SPNS3: variants seen among roughly 807,000 people sequenced by gnomAD.
The protein encoded by SPNS3 is SPNS lysolipid transporter 3, sphingosine-1-phosphate (putative), also known as protein spinster homolog 3.
In SPNS3, 51 loss-of-function variants were observed where a neutral mutation model predicts 54.4. The ratio of observed to expected loss-of-function variants is 0.94; its 90% CI spans 0.75 to 1.18. SPNS3 has a LOEUF of 1.18. SPNS3 is among the 50% of genes most tolerant of loss of function. SPNS3 has a pLI of 0.00. For missense variants in SPNS3, 669 were observed against 677.4 expected, an observed-to-expected ratio of 0.99 and a Z score of 0.14; for synonymous variants, 309 against 294.7, an observed-to-expected ratio of 1.05 and a Z score of -0.50.
At chr17:4,478,050 C>T (rs1255016908) in intron 8 of SPNS3, among the ~76,000 whole-genome samples, 1 of 140,164 alleles carries the variant, frequency 7.1e-6, no homozygotes, top group Non-Finnish European at 1.5e-5. Flanking sequence ...CGGCTCCCTG[C>T]AACCTCTGCC....
intron 1 of SPNS3, 77 bp downstream of exon 1, chr17:4,434,243 T>G: frequency 7.2e-7 from 1 of 1,388,916 alleles, no homozygotes; most frequent in East Asian, 2.4e-5. Flanking sequence ...CATGGTGGCC[T>G]TCCAGCCATC....
intron 9 of SPNS3, among the ~76,000 whole-genome samples, chr17:4,485,937 G>A (rs1185991197): frequency 1.3e-5 from 2 of 152,260 alleles, no homozygotes; most frequent in Non-Finnish European, 2.9e-5. Context: ...CTCATTCACT[G>A]TGGTCACATG....
At position 4,449,506 on chromosome 17, in the gene SPNS3, A is replaced by AAG. The variant is rs1472028591; in HGVS notation, c.923+121_923+122dup. On this transcript the variant is annotated intron_variant, in intron 7 of 11. Transcript: ENST00000355530. ...GGGGTGGGGCATTTGGTGCTGTGTGAAGACAGTGGAGCTCAGGACCCAGAT... is the reference window on the plus strand; with the variant it reads ...GGGGTGGGGCATTTGGTGCTGTGTGAAGAGACAGTGGAGCTCAGGACCCAGAT... The AAG allele has an allele frequency of 3.3e-6, 4 of 1,204,910 alleles. No individual in the cohort carries two copies. In the African/African-American group the frequency reaches 4.6e-5, roughly 14 times the overall value. The allele number at this position is 1,204,910 out of a possible 1,614,324, so 74.6% of individuals were successfully genotyped here.
chr17:4,448,218 CG>C lies in SPNS3; in HGVS notation c.689del (p.Gly230GlufsTer38). 1.9e-6 allele frequency: 3 copies of C among 1,604,406 alleles called. No individual in the cohort carries two copies. Among genetic ancestry groups the C allele is most frequent in the Non-Finnish European group, 2.6e-6 (3 of 1,175,646 alleles). ...TATCCTGCTGGTTCCAGACCCACCC[CG>C]GGGAGCTGCCGAGACACAGGGGGAG... ...LLILLVPDPP[R>X]GAAETQGEGA... On this transcript the variant is annotated frameshift_variant, in exon 6 of 12. Coordinates refer to ENST00000355530, the MANE Select transcript of SPNS3 (RefSeq NM_182538.5). LOFTEE classifies it high-confidence loss of function.
chr17:4,439,747 A>T, intron 2 of SPNS3, 24 bp downstream of exon 2: 1 of 1,602,032 alleles, frequency 6.2e-7, no homozygotes, highest in Non-Finnish European at 8.5e-7. Context: ...CTGGCTCTGG[A>T]GCCGGGGCCC....
chr17:4,471,846 A>G (rs377717177), intron 8 of SPNS3, among the ~76,000 whole-genome samples: 4 of 147,624 alleles, frequency 2.7e-5, no homozygotes, highest in African/African-American at 1.0e-4. Context: ...CTTATCACCT[A>G]TCTTTTAGGT....
chr17:4,471,039 C>T (rs1438761585), intron 8 of SPNS3, among the ~76,000 whole-genome samples: 4 of 152,202 alleles, frequency 2.6e-5, no homozygotes, highest in Non-Finnish European at 5.9e-5. Flanking sequence ...ATTCTCCTGC[C>T]TCAGCCTTCT....
chr17:4,478,164 G>A (rs1042001538), intron 8 of SPNS3, among the ~76,000 whole-genome samples: 5 of 151,784 alleles, frequency 3.3e-5, no homozygotes, highest in Non-Finnish European at 7.4e-5. Flanking sequence ...TAGAGATGGG[G>A]TTTTACCATG....
intron 8 of SPNS3, among the ~76,000 whole-genome samples, chr17:4,453,906 C>T (rs1373979444): frequency 1.3e-5 from 2 of 152,206 alleles, no homozygotes; most frequent in East Asian, 3.9e-4. Context: ...TCAAGTGTTC[C>T]AAATCCACAT....
chr17:4,478,396 G>A lies in SPNS3; in HGVS notation c.1114-176G>A, dbSNP rs73333862. 5.1e-3 allele frequency among the ~76,000 whole-genome samples: 771 copies of A among 152,246 alleles called. 7 individuals carry two copies. The highest frequency in any genetic ancestry group is 0.018 in the African/African-American group (733 of 41,528). ...TGGGTCCTGGCTCTGTCTACCTACC[G>A]TCAAGGCTGCTGGAACTGGAAAAAT... On this transcript the variant is annotated intron_variant, in intron 8 of 11. Coordinates refer to ENST00000355530, the MANE Select transcript of SPNS3 (RefSeq NM_182538.5).
intron 8 of SPNS3, 107 bp from the exon 9 acceptor site, chr17:4,478,465 C>T (rs974180802): frequency 3.1e-6 from 3 of 976,824 alleles, no homozygotes; most frequent in African/African-American, 1.6e-5. Flanking sequence ...CTCAATAATG[C>T]CTTTCTCTGT....
At position 4,486,454 on chromosome 17, in the gene SPNS3, C is replaced by T. The variant is rs745892077; in HGVS notation, c.1321C>T (p.Gln441Ter). 1.2e-6 allele frequency: 2 copies of T among 1,612,668 alleles called. No individual in the cohort carries two copies. The highest frequency in any genetic ancestry group is 1.1e-5 in the South Asian group (1 of 90,960). The change falls in exon 11 of 12, where the codon CAG (glutamine) becomes TAG (stop). Residue 441 changes from glutamine to a stop codon, truncating the protein, a stop_gained. Coordinates refer to ENST00000355530, the MANE Select transcript of SPNS3 (RefSeq NM_182538.5). LOFTEE classifies it high-confidence loss of function. This position sits in a 1 kb window ranked among gnomAD's most constrained non-coding sequence, Gnocchi z 5.5. ...LRARRPDSYL[Q>*]RFRSLQQSFL... ...GGCCAGGCGCCCTGACTCCTATCTG[C>T]AGCGCTTCCGCAGCCTGCAGCAGAG... is the stretch of plus-strand genomic sequence containing the variant.
intron 1 of SPNS3, among the ~76,000 whole-genome samples, chr17:4,437,346 T>C (rs1970739986): frequency 2.0e-5 from 3 of 152,204 alleles, no homozygotes; most frequent in African/African-American, 7.2e-5. Context: ...CTATTTATTT[T>C]GCTTACCTGT....
chr17:4,446,484 C>T (rs376851002), intron 4 of SPNS3: 17 of 481,718 alleles, frequency 3.5e-5, no homozygotes, highest in East Asian at 2.9e-4. Flanking sequence ...AGGGAAGGGC[C>T]GGCTATGGGA....
intron 8 of SPNS3, among the ~76,000 whole-genome samples, chr17:4,466,711 G>T (rs1057452401): frequency 6.6e-6 from 1 of 151,656 alleles, no homozygotes; most frequent in African/African-American, 2.4e-5. Context: ...GCATGGTGGT[G>T]GTGGGCACCT....
chr17:4,458,646 T>C (rs142585727), intron 8 of SPNS3, among the ~76,000 whole-genome samples: 2,063 of 127,934 alleles, frequency 0.016, 24 homozygotes, highest in Middle Eastern at 0.027. Context: ...TCTTTCTTTC[T>C]TTCCTTCCTT....
chr17:4,439,701 C>T lies in SPNS3; in HGVS notation c.243C>T (p.Asn81=), dbSNP rs1970799942. Residue 81 remains asparagine (N), a synonymous_variant, in exon 2 of 12, where the codon AAC becomes AAT. Transcript: ENST00000355530. ...AGGAGGTTTTCCAGATCAGTGACAA[C>T]CATGCTGGTTTGCTTCAGACTGGTA... The part of the protein sequence containing the change: ...DIQEVFQISD[N]HAGLLQTVFV... 6.2e-7 allele frequency: 1 copy of T among 1,613,306 alleles called. No individual in the cohort carries two copies. Among genetic ancestry groups the T allele is most frequent in the Non-Finnish European group, 8.5e-7 (1 of 1,179,736 alleles).
chr17:4,440,432 A>C (rs1296814111), intron 2 of SPNS3, among the ~76,000 whole-genome samples: 2 of 152,232 alleles, frequency 1.3e-5, no homozygotes, highest in African/African-American at 4.8e-5. Flanking sequence ...AGGGCTTTAG[A>C]ACATGGCTCT....
intron 7 of SPNS3, among the ~76,000 whole-genome samples, chr17:4,451,086 A>G (rs1376855789): frequency 6.6e-6 from 1 of 151,884 alleles, no homozygotes; most frequent in East Asian, 1.9e-4. Context: ...AATCAATCCT[A>G]AGTCTCATGA....
Sources: gnomAD v4.1 joint callset for allele counts (sites outside exome capture counted in the v4.1 genomes callset) on GRCh38, gnomAD v4.1.1 for gene constraint, Gnocchi (gnomAD v3.1) non-coding constraint, MANE v1.5 for transcripts, NCBI Gene and HGNC (gene_info 2026-07-23, HGNC 2026-07-21) for gene names.